Variants in UBE2E2 observed in about 807,000 individuals in gnomAD.
UBE2E2 encodes ubiquitin conjugating enzyme E2 E2, also known as ubiquitin-conjugating enzyme E2 E2.
UBE2E2 carries 6 observed loss-of-function variants against 24.7 expected under a neutral mutation model. The ratio of observed to expected loss-of-function variants is 0.24; its 90% CI spans 0.13 to 0.48. The LOEUF is 0.48. Among genes scored for constraint, UBE2E2 ranks in the 20% least tolerant of loss-of-function variants. The pLI is 0.99. For missense variants in UBE2E2, 169 were observed against 245.0 expected, an observed-to-expected ratio of 0.69 and a Z score of 2.07; for synonymous variants, 104 against 83.6, an observed-to-expected ratio of 1.24 and a Z score of -1.33.
At chr3:23,545,812 C>G (rs1288077623) in intron 5 of UBE2E2, among the ~76,000 whole-genome samples, 1 of 152,178 alleles carries the variant, frequency 6.6e-6, no homozygotes, top group Admixed American at 6.5e-5. Flanking sequence ...TATGTATACA[C>G]CATGGAATAC....
intron 3 of UBE2E2, among the ~76,000 whole-genome samples, chr3:23,459,270 T>C (rs1698756639): frequency 6.6e-6 from 1 of 152,244 alleles, no homozygotes; most frequent in Admixed American, 6.5e-5. Context: ...CAGATATTTT[T>C]GTAGCTGATT....
At chr3:23,490,918 G>A (rs548338150) in intron 3 of UBE2E2, among the ~76,000 whole-genome samples, 1 of 152,190 alleles carries the variant, frequency 6.6e-6, no homozygotes, top group South Asian at 2.1e-4. Context: ...AAGTGTGATT[G>A]AGGGTAAATA....
At chr3:23,401,387 T>C (rs892025766) in intron 3 of UBE2E2, among the ~76,000 whole-genome samples, 1 of 152,232 alleles carries the variant, frequency 6.6e-6, no homozygotes, top group African/African-American at 2.4e-5. Flanking sequence ...CCTTACAATC[T>C]TTAATTCTCA....
At chr3:23,470,668 C>A (rs1575651378) in intron 3 of UBE2E2, among the ~76,000 whole-genome samples, 1 of 152,090 alleles carries the variant, frequency 6.6e-6, no homozygotes, top group Non-Finnish European at 1.5e-5. Context: ...GCATTTGATG[C>A]CACAGTTGAT....
At chr3:23,242,289 TA>T (rs1697279860) in intron 3 of UBE2E2, among the ~76,000 whole-genome samples, 2 of 151,992 alleles carry the variant, frequency 1.3e-5, no homozygotes, top group African/African-American at 4.8e-5. Context: ...CTCATACAAA[TA>T]AAGGTCTGCT....
intron 3 of UBE2E2, among the ~76,000 whole-genome samples, chr3:23,369,882 C>A (rs1299956040): frequency 6.6e-6 from 1 of 152,062 alleles, no homozygotes; most frequent in Non-Finnish European, 1.5e-5. Flanking sequence ...ATCTCTAAAC[C>A]TAAAACAAGT....
chr3:23,335,481 A>G (rs751655609), intron 3 of UBE2E2, among the ~76,000 whole-genome samples: 4 of 152,200 alleles, frequency 2.6e-5, no homozygotes, highest in Non-Finnish European at 5.9e-5. Context: ...AGCAGTGTCT[A>G]TATTAATGCA....
chr3:23,472,292 T>C (rs996051326), intron 3 of UBE2E2, among the ~76,000 whole-genome samples: 1 of 152,202 alleles, frequency 6.6e-6, no homozygotes, highest in Non-Finnish European at 1.5e-5. Context: ...GAGCCCTTGC[T>C]GAGAAATCTA....
chr3:23,467,872 T>G (rs13091634), intron 3 of UBE2E2, among the ~76,000 whole-genome samples: 9,595 of 152,222 alleles, frequency 0.063, 468 homozygotes, highest in Non-Finnish European at 0.088. Flanking sequence ...AGGAGGCACA[T>G]CTTCACATGG....
intron 1 of UBE2E2, among the ~76,000 whole-genome samples, chr3:23,206,556 T>G (rs1028236753): frequency 6.6e-6 from 1 of 152,138 alleles, no homozygotes; most frequent in Non-Finnish European, 1.5e-5. Context: ...TCTGTTTCTG[T>G]TTGGCATGGG....
intron 3 of UBE2E2, among the ~76,000 whole-genome samples, chr3:23,352,142 A>G (rs13326380): frequency 0.011 from 1,670 of 152,316 alleles, 33 homozygotes; most frequent in African/African-American, 0.038. Flanking sequence ...TACTGGGTAC[A>G]TAACGAAATG....
At chr3:23,317,719 G>A (rs533457415) in intron 3 of UBE2E2, among the ~76,000 whole-genome samples, 2 of 152,048 alleles carry the variant, frequency 1.3e-5, no homozygotes, top group South Asian at 2.1e-4. Flanking sequence ...AGAACAGCAC[G>A]AGAAAGACCT....
chr3:23,504,234 G>A (rs148143486), intron 4 of UBE2E2, among the ~76,000 whole-genome samples: 3,410 of 152,004 alleles, frequency 0.022, 57 homozygotes, highest in Non-Finnish European at 0.035. Flanking sequence ...TTTTCATCCC[G>A]TGCCATATAT....
At chr3:23,429,468 G>A (rs1036494774) in intron 3 of UBE2E2, among the ~76,000 whole-genome samples, 2 of 152,134 alleles carry the variant, frequency 1.3e-5, no homozygotes, top group Non-Finnish European at 2.9e-5. Flanking sequence ...GGGTGTGCAA[G>A]GCTGGTTCAG....
At chr3:23,316,980 A>G (rs545218440) in intron 3 of UBE2E2, among the ~76,000 whole-genome samples, 11 of 152,248 alleles carry the variant, frequency 7.2e-5, no homozygotes, top group African/African-American at 2.6e-4. Context: ...TATCCAAGTT[A>G]TAAGTCAAAG....
In UBE2E2 at chr3:23,460,567, T is replaced by C. The variant is rs954354799; in HGVS notation, c.228-39041T>C. 1.1e-4 allele frequency among the ~76,000 whole-genome samples: 16 copies of C among 152,338 alleles called. 1 individual carries two copies. Among genetic ancestry groups the C allele is most frequent in the African/African-American group, 3.6e-4 (15 of 41,584 alleles). On this transcript the variant is annotated intron_variant, in intron 3 of 5. Coordinates refer to ENST00000396703, the MANE Select transcript of UBE2E2 (RefSeq NM_152653.4). ...ATATATAATCAGAGGAGTTACAATA[T>C]GTATATAAATACCGATAATATAAAG...
intron 3 of UBE2E2, among the ~76,000 whole-genome samples, chr3:23,422,463 G>A (rs1697825783): frequency 6.6e-6 from 1 of 152,160 alleles, no homozygotes. Flanking sequence ...GAGAAACCAA[G>A]ATTCCATGTT....
At chr3:23,323,505 A>G (rs1014318130) in intron 3 of UBE2E2, 3 of 436,720 alleles carry the variant, frequency 6.9e-6, no homozygotes, top group African/African-American at 4.1e-5. Flanking sequence ...GTAATTCACA[A>G]CTTTTTCAGC....
At chr3:23,385,104 A>G (rs1696776947) in intron 3 of UBE2E2, among the ~76,000 whole-genome samples, 1 of 152,126 alleles carries the variant, frequency 6.6e-6, no homozygotes, top group South Asian at 2.1e-4. Flanking sequence ...CCAATGAAAA[A>G]TACTTCTAAT....
Sources: gnomAD v4.1 joint callset for allele counts (sites outside exome capture counted in the v4.1 genomes callset) on GRCh38, gnomAD v4.1.1 for gene constraint, MANE v1.5 for transcripts, NCBI Gene and HGNC (gene_info 2026-07-23, HGNC 2026-07-21) for gene names.